FAT3: variants seen among roughly 807,000 people sequenced by gnomAD.
FAT3 encodes protocadherin Fat 3.
FAT3 carries 95 observed loss-of-function variants against 310.2 expected under a neutral mutation model. The observed-to-expected ratio is 0.31, with a 90% confidence interval of 0.26 to 0.36. The LOEUF is 0.36. Among genes scored for constraint, FAT3 ranks in the 10% least tolerant of loss-of-function variants. The probability of loss-of-function intolerance (pLI) is 1.00; values close to 1 mark genes in which losing one functional copy is unlikely to be tolerated. For synonymous variants in FAT3, 2,314 were observed against 2,192.9 expected (o/e 1.06, Z -1.54); for missense variants, 5,408 against 5,715.6 (o/e 0.95, Z 1.74).
At chr11:92,849,520 A>G (rs1449491399) in intron 19 of FAT3, among the ~76,000 whole-genome samples, 1 of 152,164 alleles carries the variant, frequency 6.6e-6, no homozygotes, top group Non-Finnish European at 1.5e-5. Context: ...ACTAAGGATA[A>G]TTGTTATGAC....
At chr11:92,270,991 C>T (rs1039964534) in intron 1 of FAT3, among the ~76,000 whole-genome samples, 4 of 151,966 alleles carry the variant, frequency 2.6e-5, no homozygotes, top group Admixed American at 1.3e-4. Context: ...AAATATATCC[C>T]AAAGCAGGCC....
intron 3 of FAT3, among the ~76,000 whole-genome samples, chr11:92,635,882 C>T (rs966286424): frequency 6.6e-6 from 1 of 152,164 alleles, no homozygotes; most frequent in African/African-American, 2.4e-5. Flanking sequence ...TATATTGGGT[C>T]ATTGGGTGTT....
intron 4 of FAT3, among the ~76,000 whole-genome samples, chr11:92,725,450 A>G (rs1944970876): frequency 6.6e-6 from 1 of 152,210 alleles, no homozygotes; most frequent in Admixed American, 6.5e-5. Flanking sequence ...TGTAGTGTTC[A>G]GCTTGACTTT....
chr11:92,792,352 C>T (rs1247370457), intron 8 of FAT3, among the ~76,000 whole-genome samples: 2 of 152,146 alleles, frequency 1.3e-5, no homozygotes, highest in Admixed American at 1.3e-4. Context: ...AGTGAAAATG[C>T]CTACATTGTG....
At chr11:92,593,623 A>G (rs1004832187) in intron 3 of FAT3, among the ~76,000 whole-genome samples, 3 of 152,022 alleles carry the variant, frequency 2.0e-5, no homozygotes, top group Non-Finnish European at 2.9e-5. Flanking sequence ...AGTGCCCCCT[A>G]TATCTTCTAC....
Position 92,800,332 on chromosome 11 carries a change from C to T in FAT3, c.7319C>T (p.Thr2440Met), listed in dbSNP as rs557022725. ...EYSILSGNDR[T>M]SFLMDSKSGV... ...AGCATTTTATCTGGGAATGACCGGA[C>T]GAGCTTTCTGATGGACAGCAAGAGT... Residue 2440 changes from threonine (T) to methionine (M), a missense_variant, in exon 10 of 28, where the codon ACG (threonine) becomes ATG (methionine). Physicochemically the swap from Thr to Met is moderately conservative, Grantham distance 81. This residue lies in a region of FAT3 where 4,588 missense variants were observed against 4,809.8 expected (regional missense o/e 0.95). Transcript: ENST00000525166. The T allele has an allele frequency of 2.5e-5, 41 of 1,613,808 alleles. No individual in the cohort carries two copies. Among genetic ancestry groups the T allele is most frequent in the South Asian group, 1.4e-4 (13 of 91,084 alleles).
At chr11:92,666,349 A>G (rs888177838) in intron 3 of FAT3, among the ~76,000 whole-genome samples, 2 of 142,666 alleles carry the variant, frequency 1.4e-5, no homozygotes, top group Non-Finnish European at 3.0e-5. Flanking sequence ...AATCAATTTG[A>G]AGGATTTTTT....
rs572749278 is a variant in FAT3, at chr11:92,722,477, C to T, written c.3669+25032C>T. ...ATGGGCTGGCATTGAGTATCTGCAG[C>T]TTTTCCAGACACACAGTGCAAGCTG... On this transcript the variant is annotated intron_variant, in intron 4 of 27. Transcript: ENST00000525166. Among the ~76,000 whole-genome samples the T allele has an allele frequency of 3.9e-5, 6 of 152,324 alleles. No homozygotes were observed. In the East Asian group the frequency reaches 1.2e-3, roughly 29 times the overall value.
At chr11:92,572,640 G>A (rs1269724008) in intron 3 of FAT3, among the ~76,000 whole-genome samples, 1 of 152,184 alleles carries the variant, frequency 6.6e-6, no homozygotes, top group Non-Finnish European at 1.5e-5. Flanking sequence ...TCACAGGAAT[G>A]AAAGGATTAA....
At chr11:92,390,924 G>A (rs1203961852) in intron 2 of FAT3, among the ~76,000 whole-genome samples, 5 of 152,162 alleles carry the variant, frequency 3.3e-5, no homozygotes, top group Non-Finnish European at 4.4e-5. Flanking sequence ...TCTGGCAAAA[G>A]AGCCTTTGAA....
intron 2 of FAT3, among the ~76,000 whole-genome samples, chr11:92,478,234 T>C (rs1002361597): frequency 1.3e-5 from 2 of 152,350 alleles, no homozygotes; most frequent in African/African-American, 4.8e-5. Context: ...TTGCCCCTCT[T>C]GTAAGCCAGT....
intron 1 of FAT3, among the ~76,000 whole-genome samples, chr11:92,268,071 T>C (rs1024047236): frequency 1.3e-5 from 2 of 149,786 alleles, no homozygotes; most frequent in African/African-American, 5.0e-5. Context: ...AAAAAAAACC[T>C]AATCAGTTCA....
intron 3 of FAT3, among the ~76,000 whole-genome samples, chr11:92,656,196 G>T (rs1942574028): frequency 6.6e-6 from 1 of 152,094 alleles, no homozygotes; most frequent in South Asian, 2.1e-4. Flanking sequence ...AAGTCATCTT[G>T]GATATAGAAA....
rs1490222198 is a variant in FAT3 at position 92,836,639 on chromosome 11, A to G, written c.10160A>G (p.Asn3387Ser). The G allele has an allele frequency of 1.2e-6, 2 of 1,613,882 alleles. No individual in the cohort carries two copies. Among genetic ancestry groups the G allele is most frequent in the Non-Finnish European group, 1.7e-6 (2 of 1,179,804 alleles). ...TCCATTGTGAATGGAGATCGGGACAATGAATTTACTGTAGATCCTGTCTTG... is the reference window on the plus strand; with the variant it reads ...TCCATTGTGAATGGAGATCGGGACAGTGAATTTACTGTAGATCCTGTCTTG... ...HFSIVNGDRD[N>S]EFTVDPVLGL... The change falls in exon 16 of 28, where the codon AAT becomes AGT. Residue 3387 changes from asparagine to serine, a missense_variant. Physicochemically the swap from Asn to Ser is conservative, Grantham distance 46. Coordinates refer to ENST00000525166, the MANE Select transcript of FAT3 (RefSeq NM_001367949.2).
intron 4 of FAT3, among the ~76,000 whole-genome samples, chr11:92,741,344 C>A (rs544714887): frequency 6.6e-6 from 1 of 152,134 alleles, no homozygotes; most frequent in African/African-American, 2.4e-5. Flanking sequence ...AACTACCACA[C>A]CTGGCCATAT....
chr11:92,615,028 G>A (rs903918879), intron 3 of FAT3, among the ~76,000 whole-genome samples: 5 of 152,224 alleles, frequency 3.3e-5, no homozygotes, highest in South Asian at 2.1e-4. Context: ...ATAAATGTAA[G>A]CATTTATTTC....
At chr11:92,841,394 G>A (rs1948545297) in intron 18 of FAT3, among the ~76,000 whole-genome samples, 1 of 152,168 alleles carries the variant, frequency 6.6e-6, no homozygotes, top group African/African-American at 2.4e-5. Context: ...TGCTTACAGA[G>A]GGCAACCTAG....
At chr11:92,618,357 C>G (rs186382594) in intron 3 of FAT3, among the ~76,000 whole-genome samples, 1 of 152,164 alleles carries the variant, frequency 6.6e-6, no homozygotes, top group Non-Finnish European at 1.5e-5. Context: ...GGGAGTGTCC[C>G]GATTTTCCAG....
At chr11:92,554,476 A>C (rs1954942701) in intron 3 of FAT3, among the ~76,000 whole-genome samples, 1 of 100,690 alleles carries the variant, frequency 9.9e-6, no homozygotes, top group African/African-American at 4.2e-5. Flanking sequence ...AAAAAAAAAA[A>C]AAAAAAAAAA....
Sources: gnomAD v4.1 joint callset for allele counts (sites outside exome capture counted in the v4.1 genomes callset) on GRCh38, gnomAD v4.1.1 for gene constraint, gnomAD v4.1.1 regional missense constraint, MANE v1.5 for transcripts, NCBI Gene and HGNC (gene_info 2026-07-23, HGNC 2026-07-21) for gene names.